TSPAN9: variants seen among roughly 807,000 people sequenced by gnomAD.
TSPAN9 encodes tetraspanin-9.
Under a neutral mutation model 31.0 loss-of-function variants are expected in TSPAN9, and 16 were observed. The ratio of observed to expected loss-of-function variants is 0.52; its 90% CI spans 0.35 to 0.78. The LOEUF (loss-of-function observed/expected upper bound fraction) is 0.78, where lower values mean the gene tolerates loss of function less well. Among genes scored for constraint, TSPAN9 ranks in the 30% least tolerant of loss-of-function variants. TSPAN9 has a pLI of 0.01. For synonymous variants in TSPAN9, 145 were observed against 121.6 expected (o/e 1.19, Z -1.27); for missense variants, 272 against 312.5 (o/e 0.87, Z 0.98).
chr12:3,163,445 C>T (rs958827264), intron 2 of TSPAN9, among the ~76,000 whole-genome samples: 2 of 152,188 alleles, frequency 1.3e-5, no homozygotes, highest in Non-Finnish European at 2.9e-5. Flanking sequence ...GGGACCATGG[C>T]TTTCTGTTCT....
chr12:3,088,273 C>T (rs1315831396), intron 2 of TSPAN9, among the ~76,000 whole-genome samples: 4 of 152,338 alleles, frequency 2.6e-5, no homozygotes, highest in South Asian at 4.1e-4. Context: ...GCCATTGGGT[C>T]CCCCAGGAAA....
chr12:3,120,474 C>G (rs545145632), intron 2 of TSPAN9, among the ~76,000 whole-genome samples: 7 of 152,332 alleles, frequency 4.6e-5, no homozygotes, highest in African/African-American at 1.7e-4. Flanking sequence ...GCCCGTCACT[C>G]TCTCTTCCCC....
intron 3 of TSPAN9, among the ~76,000 whole-genome samples, chr12:3,274,152 C>T (rs903775413): frequency 6.6e-6 from 1 of 152,204 alleles, no homozygotes; most frequent in Non-Finnish European, 1.5e-5. Flanking sequence ...GGCCTCTACT[C>T]ACCAGGTGCC....
chr12:3,131,223 G>A (rs908463732), intron 2 of TSPAN9, among the ~76,000 whole-genome samples: 3 of 150,174 alleles, frequency 2.0e-5, no homozygotes, highest in Admixed American at 1.3e-4. Context: ...GCCGGCCTTC[G>A]AGGTTGGTGG....
At chr12:3,083,489 T>C (rs2098298904) in intron 1 of TSPAN9, among the ~76,000 whole-genome samples, 164 bp from the exon 2 acceptor site, 1 of 152,234 alleles carries the variant, frequency 6.6e-6, no homozygotes, top group Non-Finnish European at 1.5e-5. Context: ...TGAGTGGCAT[T>C]AGCACACTGC....
intron 2 of TSPAN9, among the ~76,000 whole-genome samples, chr12:3,199,743 AG>A (rs1483015126): frequency 6.6e-6 from 1 of 151,878 alleles, no homozygotes; most frequent in Non-Finnish European, 1.5e-5. Context: ...GTGCGCGCCG[AG>A]GGGGCGGGGA....
At chr12:3,152,906 A>C (rs957196304) in intron 2 of TSPAN9, among the ~76,000 whole-genome samples, 1 of 152,204 alleles carries the variant, frequency 6.6e-6, no homozygotes, top group Admixed American at 6.5e-5. Context: ...TTCTTTTCTT[A>C]TGCTGCATCA....
chr12:3,240,983 G>A (rs771489852), intron 3 of TSPAN9, among the ~76,000 whole-genome samples: 14 of 152,112 alleles, frequency 9.2e-5, no homozygotes, highest in Non-Finnish European at 1.9e-4. Flanking sequence ...ATTTTTAAAC[G>A]GATAATTGCT....
At chr12:3,268,202 CTGTG>C (rs1390055697) in intron 3 of TSPAN9, among the ~76,000 whole-genome samples, 11 of 146,228 alleles carry the variant, frequency 7.5e-5, no homozygotes, top group East Asian at 2.2e-4. Flanking sequence ...AGCCTGCCCT[CTGTG>C]CGTTCCTGCA....
intron 3 of TSPAN9, among the ~76,000 whole-genome samples, chr12:3,246,793 C>T (rs1419230332): frequency 6.6e-6 from 1 of 152,214 alleles, no homozygotes; most frequent in East Asian, 1.9e-4. Context: ...ACCATCCCAC[C>T]AGCCTGCCAT....
At chr12:3,118,255 C>CGTTTTTTTTTT (rs1565581990) in intron 2 of TSPAN9, among the ~76,000 whole-genome samples, 1 of 20,116 alleles carries the variant, frequency 5.0e-5, no homozygotes, top group Non-Finnish European at 1.6e-4. Context: ...CTGCACCCGC[C>CGTTTTTTTTTT]GTTTTTTTTT....
At chr12:3,216,289 CT>C (rs2098381347) in intron 3 of TSPAN9, among the ~76,000 whole-genome samples, 1 of 152,218 alleles carries the variant, frequency 6.6e-6, no homozygotes, top group African/African-American at 2.4e-5. Context: ...AGCCAGATGG[CT>C]TTTGCTGGGA....
chr12:3,240,803 G>A (rs375126959), intron 3 of TSPAN9, among the ~76,000 whole-genome samples: 20 of 152,286 alleles, frequency 1.3e-4, no homozygotes, highest in African/African-American at 4.3e-4. Flanking sequence ...CTGAGATGGC[G>A]TGGACGTTGG....
intron 2 of TSPAN9, among the ~76,000 whole-genome samples, chr12:3,165,498 C>T (rs534117272): frequency 1.6e-4 from 24 of 152,238 alleles, no homozygotes; most frequent in African/African-American, 2.4e-4. Context: ...TCTTATTTCA[C>T]GGGGGAGTCC....
chr12:3,194,810 C>T lies in TSPAN9; in HGVS notation c.-17-6367C>T, dbSNP rs868317808. Among the ~76,000 whole-genome samples, 23 of 152,356 alleles carry T rather than the reference C, an allele frequency of 1.5e-4. 1 individual carries two copies. The East Asian group carries it at 1.9e-3, about 13-fold the overall frequency. On this transcript the variant is annotated intron_variant, in intron 2 of 8. Coordinates refer to ENST00000011898, the MANE Select transcript of TSPAN9 (RefSeq NM_006675.5). The stretch of plus-strand genomic sequence containing the variant: ...CGATGTTACCGTCCTTCCTGAATCA[C>T]GGCCAAGTATGGTAACACCCAATCT...
intron 2 of TSPAN9, among the ~76,000 whole-genome samples, chr12:3,111,871 C>A (rs1202553561): frequency 2.6e-5 from 4 of 152,140 alleles, no homozygotes; most frequent in Non-Finnish European, 5.9e-5. Flanking sequence ...CTTGGCCTCC[C>A]AAGGTGCTGG....
intron 3 of TSPAN9, among the ~76,000 whole-genome samples, chr12:3,242,591 G>T (rs2098397130): frequency 6.6e-6 from 1 of 152,230 alleles, no homozygotes; most frequent in Admixed American, 6.5e-5. Flanking sequence ...GACTGTCCCT[G>T]CTATCCTCTG....
In TSPAN9 at chr12:3,107,289, A is replaced by G. The variant is rs1012186819; in HGVS notation, c.-18+23570A>G. On this transcript the variant is annotated intron_variant, in intron 2 of 8. Coordinates refer to ENST00000011898, the MANE Select transcript of TSPAN9 (RefSeq NM_006675.5). The surrounding 1 kb of genome is among the most constrained non-coding windows in gnomAD (Gnocchi z 4.1). ...TACTCATCCTTGACTGTTTCTTCTGACCTCGAAATCCAGCGAGTGAAAATC... is the reference window on the plus strand; with the variant it reads ...TACTCATCCTTGACTGTTTCTTCTGGCCTCGAAATCCAGCGAGTGAAAATC... Among the ~76,000 whole-genome samples the G allele has an allele frequency of 2.0e-5, 3 of 152,076 alleles. No homozygotes were observed. The highest frequency in any genetic ancestry group is 4.4e-5 in the Non-Finnish European group (3 of 68,014).
At chr12:3,163,596 G>A (rs892862200) in intron 2 of TSPAN9, among the ~76,000 whole-genome samples, 1 of 152,162 alleles carries the variant, frequency 6.6e-6, no homozygotes, top group Non-Finnish European at 1.5e-5. Flanking sequence ...CCGGGTTACT[G>A]TTCTGCCTAC....
Sources: allele counts gnomAD v4.1 joint callset (sites outside exome capture counted in the v4.1 genomes callset), GRCh38; gene constraint gnomAD v4.1.1; non-coding constraint Gnocchi (gnomAD v3.1); transcripts MANE v1.5; gene names NCBI Gene and HGNC (gene_info 2026-07-23, HGNC 2026-07-21).